The following FANCC variants were observed in gnomAD, a reference collection of about 807,000 sequenced individuals.
FANCC encodes Fanconi anemia group C protein.
In FANCC, 55 loss-of-function variants were observed where a neutral mutation model predicts 71.3. That is an observed-to-expected ratio of 0.77 (90% confidence interval 0.62 to 0.97). The LOEUF is 0.97. FANCC is among the 50% of genes least tolerant of loss of function. The pLI, the probability that FANCC is intolerant of heterozygous loss-of-function variation, is 0.00. For missense variants in FANCC, 678 were observed against 670.9 expected (o/e 1.01, Z -0.12); for synonymous variants, 275 against 244.9 (o/e 1.12, Z -1.15).
chr9:95,195,032 TA>T (rs1259376392), intron 4 of FANCC, among the ~76,000 whole-genome samples: 3 of 151,994 alleles, frequency 2.0e-5, no homozygotes, highest in Admixed American at 6.6e-5. Context: ...ACCCCGTCTC[TA>T]CTAAAAATAC....
chr9:95,123,521 A>G (rs746397577), intron 10 of FANCC: 29 of 498,500 alleles, frequency 5.8e-5, no homozygotes, highest in Middle Eastern at 3.1e-4. Context: ...TGCCTCCAAT[A>G]TGATGAAAAA....
chr9:95,267,024 A>G (rs1044476744), intron 1 of FANCC, among the ~76,000 whole-genome samples: 7 of 152,164 alleles, frequency 4.6e-5, no homozygotes, highest in African/African-American at 1.7e-4. Context: ...CAAAATAAAC[A>G]TTTCTATGAA....
chr9:95,203,395 A>AAAC (rs1168036347), intron 4 of FANCC, among the ~76,000 whole-genome samples: 4 of 151,642 alleles, frequency 2.6e-5, no homozygotes, highest in South Asian at 4.2e-4. Flanking sequence ...AAAAAAAAAA[A>AAAC]ACACCTGAAA....
At chr9:95,137,702 T>C (rs147557192) in intron 7 of FANCC, among the ~76,000 whole-genome samples, 38 of 152,182 alleles carry the variant, frequency 2.5e-4, no homozygotes, top group Middle Eastern at 6.8e-3. Context: ...GGGAGAGGAA[T>C]TGGCTGAAGG....
At chr9:95,218,303 A>C (rs571923467) in intron 4 of FANCC, among the ~76,000 whole-genome samples, 1 of 152,288 alleles carries the variant, frequency 6.6e-6, no homozygotes, top group African/African-American at 2.4e-5. Context: ...CGTTGCCATA[A>C]AAAATTTCAA....
At chr9:95,175,548 G>A (rs552430131) in intron 4 of FANCC, among the ~76,000 whole-genome samples, 10 of 152,282 alleles carry the variant, frequency 6.6e-5, no homozygotes, top group African/African-American at 2.4e-4. Flanking sequence ...TCTCCATGTT[G>A]GTGGTGTTCT....
intron 4 of FANCC, among the ~76,000 whole-genome samples, chr9:95,176,790 A>G (rs1245586406): frequency 6.6e-6 from 1 of 152,246 alleles, no homozygotes; most frequent in African/African-American, 2.4e-5. Context: ...ATGTAATTGA[A>G]GGAAACCAGT....
chr9:95,130,721 A>G (rs947657167), intron 8 of FANCC, among the ~76,000 whole-genome samples: 1 of 152,188 alleles, frequency 6.6e-6, no homozygotes, highest in Non-Finnish European at 1.5e-5. Context: ...TTCTCTCCAC[A>G]GTGGGAAGCC....
intron 4 of FANCC, among the ~76,000 whole-genome samples, chr9:95,173,987 T>G (rs400727): frequency 0.9 from 137,156 of 152,262 alleles, 61,950 homozygotes; most frequent in Middle Eastern, 0.98. Flanking sequence ...AATGTTATAC[T>G]CAGAAATGAT....
At chr9:95,170,637 C>CGTGTTGTGT (rs1554842445) in intron 6 of FANCC, among the ~76,000 whole-genome samples, 5 of 124,290 alleles carry the variant, frequency 4.0e-5, no homozygotes, top group African/African-American at 1.5e-4. Flanking sequence ...TTGTAAATAT[C>CGTGTTGTGT]GTGTGTGTGT....
chr9:95,107,514 CT>C (rs1564642237), intron 13 of FANCC: 6 of 582,570 alleles, frequency 1.0e-5, no homozygotes, highest in East Asian at 5.7e-5. Context: ...AGGAACTGAC[CT>C]TTTTTTGTAT....
chr9:95,219,270 A>C (rs936995890), intron 4 of FANCC, among the ~76,000 whole-genome samples: 5 of 152,336 alleles, frequency 3.3e-5, no homozygotes, highest in African/African-American at 1.2e-4. Context: ...AGCAGGAGTA[A>C]GGCTCTTAGA....
chr9:95,136,724 T>A (rs1827753624), intron 7 of FANCC, among the ~76,000 whole-genome samples: 2 of 152,192 alleles, frequency 1.3e-5, no homozygotes, highest in South Asian at 4.1e-4. Context: ...CCTCAAACAA[T>A]CTTCCTGCCT....
In FANCC at chr9:95,193,225, C is replaced by T. The variant is rs4647471; in HGVS notation, c.346-21078G>A. On this transcript the variant is annotated intron_variant, in intron 4 of 14. Coordinates refer to ENST00000289081, the MANE Select transcript of FANCC (RefSeq NM_000136.3). ...GATTCACTTTAGATAAGCAAGGGGG[C>T]GCTACTCCAAAGACTAAGCATGGGA... Among the ~76,000 whole-genome samples the T allele has an allele frequency of 1.9e-3, 287 of 152,196 alleles. 1 individual carries two copies. The highest frequency in any genetic ancestry group is 3.4e-3 in the Middle Eastern group (1 of 294).
At chr9:95,185,847 T>G (rs1017385529) in intron 4 of FANCC, among the ~76,000 whole-genome samples, 3 of 152,138 alleles carry the variant, frequency 2.0e-5, no homozygotes, top group African/African-American at 7.2e-5. Flanking sequence ...GAAGCAAAAT[T>G]CAACAAGTAG....
intron 1 of FANCC, among the ~76,000 whole-genome samples, chr9:95,297,155 T>C (rs1261666787): frequency 6.6e-6 from 1 of 152,156 alleles, no homozygotes; most frequent in Non-Finnish European, 1.5e-5. Context: ...AACAGCAGAC[T>C]GAGGCAAGAG....
chr9:95,271,251 A>G (rs1321889677), intron 1 of FANCC, among the ~76,000 whole-genome samples: 1 of 152,182 alleles, frequency 6.6e-6, no homozygotes, highest in Middle Eastern at 3.2e-3. Context: ...ACACTAGCAC[A>G]TGGGACCTGT....
chr9:95,292,218 A>G (rs1014673641), intron 1 of FANCC: 4 of 162,974 alleles, frequency 2.5e-5, no homozygotes, highest in African/African-American at 4.8e-5. Flanking sequence ...AGTCTCTTCA[A>G]TGAATGGTGT....
chr9:95,190,676 CTG>C (rs1827033927), intron 4 of FANCC, among the ~76,000 whole-genome samples: 2 of 152,354 alleles, frequency 1.3e-5, no homozygotes, highest in East Asian at 1.9e-4. Context: ...CGCCCTGGCA[CTG>C]TGTGGGTGAG....
Sources: allele counts gnomAD v4.1 joint callset (sites outside exome capture counted in the v4.1 genomes callset), GRCh38; gene constraint gnomAD v4.1.1; transcripts MANE v1.5; gene names NCBI Gene and HGNC (gene_info 2026-07-23, HGNC 2026-07-21).